SPAG16: variants seen among roughly 807,000 people sequenced by gnomAD.
SPAG16 encodes the protein sperm associated antigen 16.
A neutral mutation model predicts 80.4 loss-of-function variants in SPAG16; 86 were observed. The observed-to-expected ratio is 1.07, with a 90% CI of 0.90 to 1.28. SPAG16 has a LOEUF of 1.28. Ranked by LOEUF, SPAG16 falls within the 50% of genes most tolerant of loss-of-function variation. SPAG16 has a pLI of 0.00. For synonymous variants in SPAG16, 294 were observed against 265.9 expected (o/e 1.11, Z -1.03); for missense variants, 870 against 765.3 (o/e 1.14, Z -1.61).
intron 9 of SPAG16, among the ~76,000 whole-genome samples, chr2:213,404,706 G>A (rs574043624): frequency 3.9e-5 from 6 of 152,178 alleles, no homozygotes; most frequent in South Asian, 4.1e-4. Flanking sequence ...AAATTGACAA[G>A]TGGGATCTAA....
chr2:213,885,929 T>A (rs2076538515), intron 11 of SPAG16, among the ~76,000 whole-genome samples: 1 of 152,200 alleles, frequency 6.6e-6, no homozygotes, highest in Admixed American at 6.5e-5. Context: ...TTACATGACC[T>A]GGAAGTCTTC....
intron 10 of SPAG16, among the ~76,000 whole-genome samples, chr2:213,719,497 A>G (rs918158227): frequency 1.3e-5 from 2 of 152,222 alleles, no homozygotes; most frequent in Admixed American, 1.3e-4. Flanking sequence ...TTGTAAACAC[A>G]CCAATCAGCA....
At chr2:214,150,087 G>A (rs958907255) in intron 15 of SPAG16, among the ~76,000 whole-genome samples, 2 of 151,972 alleles carry the variant, frequency 1.3e-5, no homozygotes, top group African/African-American at 4.8e-5. Context: ...AAGTTGTGGC[G>A]ATAGCAAAAA....
intron 15 of SPAG16, among the ~76,000 whole-genome samples, chr2:214,252,385 T>G (rs1440976382): frequency 6.6e-6 from 1 of 152,106 alleles, no homozygotes; most frequent in South Asian, 2.1e-4. Context: ...CATGGTGGTT[T>G]GCTGCACCCA....
chr2:214,327,421 G>A (rs1258286035), intron 15 of SPAG16, among the ~76,000 whole-genome samples: 1 of 152,078 alleles, frequency 6.6e-6, no homozygotes. Context: ...TAATTCTTTT[G>A]GGACATGTAA....
intron 10 of SPAG16, among the ~76,000 whole-genome samples, chr2:213,823,023 C>T (rs2073049247): frequency 6.6e-6 from 1 of 152,122 alleles, no homozygotes; most frequent in Non-Finnish European, 1.5e-5. Context: ...GTAAGTAGTG[C>T]TGCAATAAAC....
At chr2:214,145,580 A>G (rs1482206550) in intron 14 of SPAG16, among the ~76,000 whole-genome samples, 1 of 152,016 alleles carries the variant, frequency 6.6e-6, no homozygotes, top group African/African-American at 2.4e-5. Context: ...TATTAACTTC[A>G]TGTCTATATG....
At chr2:214,090,853 C>T (rs544944395) in intron 13 of SPAG16, among the ~76,000 whole-genome samples, 4 of 152,080 alleles carry the variant, frequency 2.6e-5, no homozygotes, top group African/African-American at 9.6e-5. Flanking sequence ...CTCATATAAA[C>T]ACAGGGCCTA....
At chr2:213,449,531 C>T (rs1288369404) in intron 9 of SPAG16, among the ~76,000 whole-genome samples, 2 of 152,184 alleles carry the variant, frequency 1.3e-5, no homozygotes, top group African/African-American at 2.4e-5. Flanking sequence ...TGTCACCCCT[C>T]GCGGCCCAGA....
chr2:213,450,215 A>C (rs1472902718), intron 9 of SPAG16, among the ~76,000 whole-genome samples: 1 of 152,288 alleles, frequency 6.6e-6, no homozygotes, highest in East Asian at 1.9e-4. Context: ...GAGGCAGGAG[A>C]ATTGCTTGAA....
intron 10 of SPAG16, among the ~76,000 whole-genome samples, chr2:213,806,811 A>T (rs1378026833): frequency 2.0e-5 from 3 of 152,164 alleles, no homozygotes; most frequent in African/African-American, 7.2e-5. Flanking sequence ...ATACAAAGTT[A>T]TTTGCCTTTA....
intron 11 of SPAG16, among the ~76,000 whole-genome samples, chr2:213,884,443 A>T (rs1408938148): frequency 5.9e-5 from 9 of 151,834 alleles, no homozygotes; most frequent in Non-Finnish European, 1.5e-5. Flanking sequence ...TTTCTTTTTC[A>T]TTGACCTTGA....
chr2:213,838,657 G>A (rs1430126446), intron 10 of SPAG16, among the ~76,000 whole-genome samples: 1 of 152,196 alleles, frequency 6.6e-6, no homozygotes, highest in Non-Finnish European at 1.5e-5. Context: ...ATGTTCCGAT[G>A]AGGTGATCAG....
intron 15 of SPAG16, among the ~76,000 whole-genome samples, chr2:214,221,434 TAAAG>T (rs1247800949): frequency 2.6e-5 from 4 of 152,128 alleles, no homozygotes; most frequent in East Asian, 1.9e-4. Flanking sequence ...TTACTCAAGA[TAAAG>T]AAAGACATAG....
At chr2:213,923,362 G>A (rs2078312059) in intron 11 of SPAG16, among the ~76,000 whole-genome samples, 2 of 152,040 alleles carry the variant, frequency 1.3e-5, no homozygotes, top group South Asian at 4.1e-4. Context: ...CTGCTGTCTG[G>A]GTGTTTCCTG....
chr2:213,933,976 CA>C (rs1269674509), intron 12 of SPAG16, among the ~76,000 whole-genome samples: 1 of 152,018 alleles, frequency 6.6e-6, no homozygotes, highest in Non-Finnish European at 1.5e-5. Context: ...AACTTGCATC[CA>C]AAAAAAGTGG....
intron 10 of SPAG16, among the ~76,000 whole-genome samples, chr2:213,781,342 A>G (rs1228885945): frequency 6.6e-6 from 1 of 152,232 alleles, no homozygotes; most frequent in Non-Finnish European, 1.5e-5. Flanking sequence ...TTTGCTTTTT[A>G]TAGAAGGCAT....
At chr2:213,834,958 T>A (rs1237699774) in intron 10 of SPAG16, among the ~76,000 whole-genome samples, 2 of 152,148 alleles carry the variant, frequency 1.3e-5, no homozygotes, top group Non-Finnish European at 2.9e-5. Flanking sequence ...CGGTCCTAGG[T>A]TCTTTTATTG....
At chr2:213,638,468 A>G (rs555218876) in intron 10 of SPAG16, among the ~76,000 whole-genome samples, 57 of 152,196 alleles carry the variant, frequency 3.7e-4, no homozygotes, top group African/African-American at 1.3e-3. Context: ...GTTCAAATCA[A>G]TTTTTAATTT....
Sources: gnomAD v4.1 joint callset for allele counts (sites outside exome capture counted in the v4.1 genomes callset) on GRCh38, gnomAD v4.1.1 for gene constraint, MANE v1.5 for transcripts, NCBI Gene and HGNC (gene_info 2026-07-23, HGNC 2026-07-21) for gene names.